The following NINL variants were observed in gnomAD, a reference collection of about 807,000 sequenced individuals.
NINL encodes the protein ninein-like protein.
In NINL, 153 loss-of-function variants were observed where a neutral mutation model predicts 160.3. The ratio of observed to expected loss-of-function variants is 0.95; its 90% CI spans 0.84 to 1.09. The LOEUF is 1.09. Ranked by LOEUF, NINL falls within the 50% of genes least tolerant of loss-of-function variation. The pLI, the probability that NINL is intolerant of heterozygous loss-of-function variation, is 0.00. For synonymous variants in NINL, 800 were observed against 734.8 expected, an observed-to-expected ratio of 1.09 and a Z score of -1.43; for missense variants, 1,829 against 1,764.0, an observed-to-expected ratio of 1.04 and a Z score of -0.66.
chr20:25,548,815 G>A (rs2064770206), intron 1 of NINL, among the ~76,000 whole-genome samples: 1 of 145,294 alleles, frequency 6.9e-6, no homozygotes. Context: ...GCTGGCCCCA[G>A]CACCCATGGC....
At chr20:25,475,368 A>G (rs2063205595) in intron 17 of NINL, among the ~76,000 whole-genome samples, 1 of 152,192 alleles carries the variant, frequency 6.6e-6, no homozygotes, top group African/African-American at 2.4e-5. Context: ...AAACTCTTCC[A>G]AGAATTGAAG....
chr20:25,554,240 G>A (rs1335811823), intron 1 of NINL, among the ~76,000 whole-genome samples: 9 of 151,464 alleles, frequency 5.9e-5, no homozygotes, highest in Non-Finnish European at 1.3e-4. Context: ...TCAGGAGAAA[G>A]GTCTGTGTGC....
rs528076483 is a variant in NINL, at chr20:25,502,169, A to G, written c.862-1159T>C. 3.3e-4 allele frequency among the ~76,000 whole-genome samples: 50 copies of G among 152,176 alleles called. No homozygotes were observed. The South Asian group carries it at 3.7e-3, about 11-fold the overall frequency. Reference sequence around the variant, plus strand: ...GCTAATTTTTGTAGTTTCACTAGAGACAGGGTTTTACCATGTTAGCCAGGC... The same window carrying G: ...GCTAATTTTTGTAGTTTCACTAGAGGCAGGGTTTTACCATGTTAGCCAGGC... On this transcript the variant is annotated intron_variant, in intron 7 of 23. Coordinates refer to ENST00000278886, the MANE Select transcript of NINL (RefSeq NM_025176.6).
In NINL at chr20:25,476,430, T is replaced by G; in HGVS notation, c.2861A>C (p.Gln954Pro). 6.2e-7 allele frequency: 1 copy of G among 1,609,496 alleles called. No individual in the cohort carries two copies. Among genetic ancestry groups the G allele is most frequent in the Non-Finnish European group, 8.5e-7 (1 of 1,179,862 alleles). The change falls in exon 17 of 24, where the codon CAG becomes CCG. Residue 954 changes from glutamine to proline, a missense_variant. Gln to Pro is a moderately conservative substitution (Grantham distance 76). Transcript: ENST00000278886. ...CAGGGGTGGCTCCCACATCCGTGGC[T>G]GGGTTTGCGAGGCGTCTCTCTCTGT... ...LGTERDASQT[Q>P]PRMWEPPLRP...
At chr20:25,520,421 G>T (rs997951697) in intron 2 of NINL, among the ~76,000 whole-genome samples, 13 of 152,210 alleles carry the variant, frequency 8.5e-5, no homozygotes, top group African/African-American at 3.1e-4. Flanking sequence ...AAATGTGGCT[G>T]TTTCTTTGCA....
chr20:25,472,324 GATAT>G (rs56260321), intron 17 of NINL, among the ~76,000 whole-genome samples: 1,166 of 83,820 alleles, frequency 0.014, 6 homozygotes, highest in South Asian at 0.024. Context: ...GGGAGGAGAG[GATAT>G]ATATATATAT....
intron 17 of NINL, among the ~76,000 whole-genome samples, chr20:25,472,172 G>A (rs1471165680): frequency 6.6e-6 from 1 of 151,626 alleles, no homozygotes; most frequent in Non-Finnish European, 1.5e-5. Context: ...AGAGCTGAAA[G>A]AAAGAGATAC....
chr20:25,494,261 C>A (rs866989399), intron 10 of NINL, among the ~76,000 whole-genome samples: 1 of 151,062 alleles, frequency 6.6e-6, no homozygotes, highest in Admixed American at 6.6e-5. Context: ...TTCCACTGCA[C>A]CCCTCTAGTC....
intron 3 of NINL, among the ~76,000 whole-genome samples, chr20:25,516,216 C>T (rs983340819): frequency 2.0e-5 from 3 of 152,142 alleles, no homozygotes; most frequent in Non-Finnish European, 4.4e-5. Context: ...TTCTGTACAG[C>T]CTGCAGAACT....
chr20:25,569,706 C>T (rs2065033146), intron 1 of NINL, among the ~76,000 whole-genome samples: 1 of 152,202 alleles, frequency 6.6e-6, no homozygotes. Flanking sequence ...AGGCAGAAGG[C>T]ATGGCCTGGT....
chr20:25,462,467 G>A lies in NINL; in HGVS notation c.3498C>T (p.His1166=). ...VLQLGQEAST[H]QAQNEEHRVT... is the part of the protein sequence containing the mutation. ...CACGATGCTCCTCGTTTTGGGCCTG[G>A]TGGGTAGAAGCCTCCTGTCCCAGTT... The change falls in exon 20 of 24, where the codon CAC becomes CAT. Residue 1166 remains histidine, a synonymous_variant. Coordinates refer to ENST00000278886, the MANE Select transcript of NINL (RefSeq NM_025176.6). The A allele has an allele frequency of 6.2e-7, 1 of 1,614,190 alleles. No homozygotes were observed. The highest frequency in any genetic ancestry group is 8.5e-7 in the Non-Finnish European group (1 of 1,180,036).
At chr20:25,489,498 C>T (rs1056919335) in intron 12 of NINL, among the ~76,000 whole-genome samples, 174 bp from the exon 13 acceptor site, 2 of 151,832 alleles carry the variant, frequency 1.3e-5, no homozygotes, top group Non-Finnish European at 2.9e-5. Flanking sequence ...TAGAAGGTCA[C>T]AAGACAGAAG....
chr20:25,584,180 C>T (rs958838612), intron 1 of NINL, among the ~76,000 whole-genome samples: 3 of 152,072 alleles, frequency 2.0e-5, no homozygotes, highest in Non-Finnish European at 2.9e-5. Flanking sequence ...CAAAACAAAA[C>T]AAAAACTTGG....
In NINL at chr20:25,496,692, G is replaced by A. The variant is rs2063761348; in HGVS notation, c.1281C>T (p.Thr427=). The stretch of plus-strand genomic sequence containing the variant: ...TTTTCTTCTCCGTGAGCTGCTCCAG[G>A]GTGGAGTGGCAGTCGTCCATCTCTT... The part of the protein sequence containing the change: ...FVKEMDDCHS[T]LEQLTEKKIK... The change falls in exon 10 of 24, where the codon ACC becomes ACT. Residue 427 remains threonine (T), a synonymous_variant. Coordinates refer to ENST00000278886, the MANE Select transcript of NINL (RefSeq NM_025176.6). 6.2e-7 allele frequency: 1 copy of A among 1,614,102 alleles called. No homozygotes were observed. Among genetic ancestry groups the A allele is most frequent in the South Asian group, 1.1e-5 (1 of 91,086 alleles).
At chr20:25,464,826 A>AT (rs1466687228) in intron 19 of NINL, among the ~76,000 whole-genome samples, 1 of 152,096 alleles carries the variant, frequency 6.6e-6, no homozygotes, top group Non-Finnish European at 1.5e-5. Flanking sequence ...TGACTTTGAC[A>AT]TTTTTTGACA....
chr20:25,454,958 A>T (rs2090630389), intron 23 of NINL, among the ~76,000 whole-genome samples: 1 of 152,064 alleles, frequency 6.6e-6, no homozygotes, highest in Non-Finnish European at 1.5e-5. Flanking sequence ...TGCCATTATG[A>T]TAAAACCCAA....
chr20:25,489,621 T>C (rs57834122), intron 12 of NINL, among the ~76,000 whole-genome samples: 7,037 of 152,156 alleles, frequency 0.046, 165 homozygotes, highest in Non-Finnish European at 0.06. Flanking sequence ...GGGAAGGCCC[T>C]GCCCTCCCTC....
At chr20:25,467,934 T>G (rs973274364) in intron 18 of NINL, among the ~76,000 whole-genome samples, 2 of 152,174 alleles carry the variant, frequency 1.3e-5, no homozygotes, top group Non-Finnish European at 2.9e-5. Context: ...AAAACTAGCT[T>G]TGAGATTTCG....
intron 1 of NINL, among the ~76,000 whole-genome samples, chr20:25,566,058 G>A (rs919477931): frequency 1.3e-5 from 2 of 152,152 alleles, no homozygotes; most frequent in East Asian, 1.9e-4. Flanking sequence ...GCAGCCAGCC[G>A]GGCACTGGAC....
Sources: gnomAD v4.1 joint callset for allele counts (sites outside exome capture counted in the v4.1 genomes callset) on GRCh38, gnomAD v4.1.1 for gene constraint, MANE v1.5 for transcripts, NCBI Gene and HGNC (gene_info 2026-07-23, HGNC 2026-07-21) for gene names.